The following GARRE1 variants were observed in gnomAD, a reference collection of about 807,000 sequenced individuals.
GARRE1 encodes the protein granule associated Rac and RHOG effector 1.
GARRE1 carries 49 observed loss-of-function variants against 103.2 expected under a neutral mutation model. The observed-to-expected ratio is 0.47, with a 90% CI of 0.38 to 0.60. The LOEUF (loss-of-function observed/expected upper bound fraction) is 0.60, where lower values mean the gene tolerates loss of function less well. Ranked by LOEUF, GARRE1 falls within the 20% of genes least tolerant of loss-of-function variation. The probability of loss-of-function intolerance (pLI) is 0.00; values close to 1 mark genes in which losing one functional copy is unlikely to be tolerated. For synonymous variants in GARRE1, 505 were observed against 532.8 expected (o/e 0.95, Z 0.72); for missense variants, 1,199 against 1,370.5 (o/e 0.87, Z 1.98).
chr19:34,303,882 C>T (rs913907184), intron 2 of GARRE1, among the ~76,000 whole-genome samples: 4 of 152,170 alleles, frequency 2.6e-5, no homozygotes, highest in Middle Eastern at 3.4e-3. Context: ...TCCCAAAGTG[C>T]TGGGATTTAC....
At chr19:34,337,026 G>T (rs922837090) in intron 8 of GARRE1, among the ~76,000 whole-genome samples, 1 of 146,068 alleles carries the variant, frequency 6.8e-6, no homozygotes, top group Admixed American at 6.9e-5. Flanking sequence ...GGTGCTTTTG[G>T]TAATTTTGCA....
chr19:34,258,305 C>T (rs117624168), intron 1 of GARRE1, among the ~76,000 whole-genome samples: 2,238 of 152,244 alleles, frequency 0.015, 25 homozygotes, highest in South Asian at 0.026. Context: ...CTCTTACCCC[C>T]GCTCCAAAAC....
At chr19:34,291,409 T>C (rs1419804019) in intron 1 of GARRE1, among the ~76,000 whole-genome samples, 1 of 152,246 alleles carries the variant, frequency 6.6e-6, no homozygotes, top group Non-Finnish European at 1.5e-5. Context: ...GTGACAAAGA[T>C]GAAGTAATAC....
intron 10 of GARRE1, among the ~76,000 whole-genome samples, chr19:34,346,456 T>C (rs1055233969): frequency 6.6e-6 from 1 of 152,172 alleles, no homozygotes; most frequent in African/African-American, 2.4e-5. Context: ...AGGAAAATAC[T>C]AGATCAAACT....
At chr19:34,351,216 AAATAATAAT>A in intron 12 of GARRE1, among the ~76,000 whole-genome samples, 1 of 149,326 alleles carries the variant, frequency 6.7e-6, no homozygotes, top group Middle Eastern at 3.4e-3. Context: ...AAAAAAAATA[AAATAATAAT>A]AATAATAATA....
At chr19:34,338,989 C>A (rs2074173468) in intron 8 of GARRE1, among the ~76,000 whole-genome samples, 3 of 152,054 alleles carry the variant, frequency 2.0e-5, no homozygotes, top group South Asian at 2.1e-4. Context: ...AACAAGGTGG[C>A]GAGAAGTGCT....
At chr19:34,343,940 A>C (rs1473175987) in intron 10 of GARRE1, among the ~76,000 whole-genome samples, 1 of 152,252 alleles carries the variant, frequency 6.6e-6, no homozygotes, top group Non-Finnish European at 1.5e-5. Context: ...AAATCATTTC[A>C]GTTAATATCA....
intron 6 of GARRE1, among the ~76,000 whole-genome samples, chr19:34,328,652 A>G (rs1413872847): frequency 6.6e-6 from 1 of 151,966 alleles, no homozygotes; most frequent in Non-Finnish European, 1.5e-5. Context: ...CGTCCAGGCT[A>G]GAGTACAGTG....
chr19:34,320,805 T>C (rs1448821957), intron 3 of GARRE1, among the ~76,000 whole-genome samples: 1 of 151,198 alleles, frequency 6.6e-6, no homozygotes, highest in African/African-American at 2.4e-5. Context: ...CACTACAGCC[T>C]GTACCTCCGG....
chr19:34,349,095 G>A lies in GARRE1; in HGVS notation c.2767G>A (p.Asp923Asn), dbSNP rs764577895. 5.0e-5 allele frequency: 80 copies of A among 1,612,764 alleles called. No individual in the cohort carries two copies. The South Asian group carries it at 8.8e-4, about 18-fold the overall frequency. Residue 923 changes from aspartate (D) to asparagine (N), a missense_variant, in exon 12 of 14, where the codon GAC becomes AAC. Asp to Asn is a conservative substitution (Grantham distance 23). Transcript: ENST00000299505. ...TGATGAGACATCCTCAGCCAACGGG[G>A]ACAGCTTGTTCTCCATGTTTTCAGG... ...SSDETSSANG[D>N]SLFSMFSGPD...
intron 10 of GARRE1, among the ~76,000 whole-genome samples, chr19:34,347,330 T>A (rs1254945692): frequency 6.6e-6 from 1 of 152,066 alleles, no homozygotes; most frequent in Non-Finnish European, 1.5e-5. Flanking sequence ...GACCTCGTGA[T>A]CCACCCACCT....
intron 7 of GARRE1, among the ~76,000 whole-genome samples, chr19:34,331,913 C>G (rs539029162): frequency 4.0e-5 from 6 of 151,644 alleles, no homozygotes; most frequent in Admixed American, 1.3e-4. Flanking sequence ...ATCACTTGAA[C>G]CCAGGAGTCA....
At chr19:34,326,576 C>A (rs1466714987) in intron 3 of GARRE1, among the ~76,000 whole-genome samples, 2 of 152,070 alleles carry the variant, frequency 1.3e-5, no homozygotes, top group Non-Finnish European at 2.9e-5. Context: ...CTTTTCTGTG[C>A]AGATTTCAAA....
chr19:34,303,317 C>T (rs1056994464), intron 2 of GARRE1, among the ~76,000 whole-genome samples: 2 of 152,142 alleles, frequency 1.3e-5, no homozygotes, highest in African/African-American at 4.8e-5. Context: ...TGTTCCTTAC[C>T]CCATCCTGGG....
intron 11 of GARRE1, 171 bp from the exon 12 acceptor site, chr19:34,348,845 T>G: frequency 5.8e-6 from 4 of 691,160 alleles, no homozygotes; most frequent in South Asian, 3.7e-5. Flanking sequence ...GAATATGTAT[T>G]ACTTTTGAAA....
intron 1 of GARRE1, among the ~76,000 whole-genome samples, chr19:34,275,079 A>G (rs954587267): frequency 3.9e-5 from 6 of 152,224 alleles, no homozygotes; most frequent in South Asian, 2.1e-4. Context: ...TAATCTGCCT[A>G]AAGAATTTCC....
intron 2 of GARRE1, among the ~76,000 whole-genome samples, chr19:34,304,388 T>C (rs1390821121): frequency 6.6e-6 from 1 of 150,834 alleles, no homozygotes; most frequent in Non-Finnish European, 1.5e-5. Context: ...TTTTTTTTTT[T>C]TTTTTGAGAC....
chr19:34,268,962 A>G (rs1447376003), intron 1 of GARRE1, among the ~76,000 whole-genome samples: 1 of 152,202 alleles, frequency 6.6e-6, no homozygotes, highest in Non-Finnish European at 1.5e-5. Context: ...CCTCAAATGA[A>G]ACAAAATTAA....
chr19:34,293,417 A>T (rs1329124686), intron 1 of GARRE1, among the ~76,000 whole-genome samples: 8 of 117,818 alleles, frequency 6.8e-5, no homozygotes, highest in South Asian at 2.7e-4. Flanking sequence ...TTTTTTTTTT[A>T]AAGACAGATT....
Sources: allele counts gnomAD v4.1 joint callset (sites outside exome capture counted in the v4.1 genomes callset), GRCh38; gene constraint gnomAD v4.1.1; transcripts MANE v1.5; gene names NCBI Gene and HGNC (gene_info 2026-07-23, HGNC 2026-07-21).